GNAQ: variants seen among roughly 807,000 people sequenced by gnomAD.
The protein encoded by GNAQ is guanine nucleotide-binding protein G(q) subunit alpha.
Under a neutral mutation model 43.9 loss-of-function variants are expected in GNAQ, and 8 were observed. The observed-to-expected ratio is 0.18, with a 90% CI of 0.11 to 0.33. The LOEUF is 0.33. Ranked by LOEUF, GNAQ falls within the 10% of genes least tolerant of loss-of-function variation. GNAQ has a pLI of 1.00. For synonymous variants in GNAQ, 155 were observed against 170.7 expected (o/e 0.91, Z 0.71); for missense variants, 158 against 450.8 (o/e 0.35, Z 5.88).
Position 77,836,604 on chromosome 9 carries a change from A to G in GNAQ, c.322-20834T>C, listed in dbSNP as rs376404296. 6.6e-5 allele frequency among the ~76,000 whole-genome samples: 10 copies of G among 152,344 alleles called. No individual in the cohort carries two copies. In the East Asian group the frequency reaches 1.2e-3, roughly 18 times the overall value. ...AGTACAAGTAAGGACGGAACTCAGC[A>G]AAGATTCTCAACAGGCAAGAAGGCA... On this transcript the variant is annotated intron_variant, in intron 2 of 6. Coordinates refer to ENST00000286548, the MANE Select transcript of GNAQ (RefSeq NM_002072.5).
At chr9:77,857,014 C>CAG (rs1827766222) in intron 2 of GNAQ, among the ~76,000 whole-genome samples, 1 of 152,212 alleles carries the variant, frequency 6.6e-6, no homozygotes, top group Non-Finnish European at 1.5e-5. Context: ...ACCATGCCCT[C>CAG]CTCTTCCTCA....
chr9:77,799,209 T>C (rs186772924), intron 3 of GNAQ, among the ~76,000 whole-genome samples: 6 of 152,254 alleles, frequency 3.9e-5, no homozygotes, highest in Non-Finnish European at 7.4e-5. Context: ...ACAAAGTATA[T>C]GCACAAAGTA....
At chr9:77,903,357 C>T (rs1384528340) in intron 2 of GNAQ, among the ~76,000 whole-genome samples, 1 of 152,176 alleles carries the variant, frequency 6.6e-6, no homozygotes, top group East Asian at 1.9e-4. Flanking sequence ...ACTTCATCCT[C>T]ACTCTGCAAC....
At chr9:77,901,476 C>T (rs1828616385) in intron 2 of GNAQ, among the ~76,000 whole-genome samples, 1 of 152,158 alleles carries the variant, frequency 6.6e-6, no homozygotes, top group Non-Finnish European at 1.5e-5. Context: ...CAAACCCTCC[C>T]ATCTTCAAGA....
At chr9:78,025,871 G>GT (rs1452619588) in intron 1 of GNAQ, among the ~76,000 whole-genome samples, 1 of 152,172 alleles carries the variant, frequency 6.6e-6, no homozygotes, top group Admixed American at 6.5e-5. Context: ...CTTTTCAAGT[G>GT]TAAGTGTGCC....
intron 2 of GNAQ, among the ~76,000 whole-genome samples, chr9:77,920,201 C>T (rs1482876652): frequency 6.6e-6 from 1 of 151,942 alleles, no homozygotes; most frequent in East Asian, 1.9e-4. Context: ...CAATGTGTTA[C>T]ATGAATAAGG....
intron 2 of GNAQ, among the ~76,000 whole-genome samples, chr9:77,823,635 G>A (rs1827148641): frequency 6.6e-6 from 1 of 152,172 alleles, no homozygotes; most frequent in African/African-American, 2.4e-5. Context: ...ATGGTGGAAG[G>A]TGAAGGGGAA....
intron 3 of GNAQ, among the ~76,000 whole-genome samples, chr9:77,806,133 T>C (rs912472509): frequency 1.3e-5 from 2 of 152,088 alleles, no homozygotes; most frequent in African/African-American, 2.4e-5. Flanking sequence ...AAAACAACAA[T>C]AGCAATGAGA....
intron 1 of GNAQ, among the ~76,000 whole-genome samples, chr9:77,960,384 C>G (rs952775442): frequency 6.6e-6 from 1 of 152,126 alleles, no homozygotes; most frequent in African/African-American, 2.4e-5. Flanking sequence ...GCGAGGTAGG[C>G]AGAATTAGAA....
intron 2 of GNAQ, among the ~76,000 whole-genome samples, chr9:77,842,307 T>A (rs1290691688): frequency 1.3e-5 from 2 of 152,190 alleles, no homozygotes; most frequent in Admixed American, 6.5e-5. Flanking sequence ...AAAGCTGAAC[T>A]GAAACCATCA....
At chr9:77,824,508 A>C (rs1301180728) in intron 2 of GNAQ, among the ~76,000 whole-genome samples, 1 of 152,172 alleles carries the variant, frequency 6.6e-6, no homozygotes, top group Non-Finnish European at 1.5e-5. Flanking sequence ...TTTGGATACA[A>C]CTGTGATTTA....
chr9:77,841,760 TA>T (rs1282024888), intron 2 of GNAQ, among the ~76,000 whole-genome samples: 1 of 152,184 alleles, frequency 6.6e-6, no homozygotes, highest in East Asian at 1.9e-4. Flanking sequence ...ACGTTCATTA[TA>T]TGGAAGACTC....
At chr9:77,889,390 G>A (rs1042328684) in intron 2 of GNAQ, among the ~76,000 whole-genome samples, 6 of 107,510 alleles carry the variant, frequency 5.6e-5, no homozygotes, top group African/African-American at 7.3e-5. Flanking sequence ...CAGCCTGGGC[G>A]ACAAAGCCAG....
intron 1 of GNAQ, among the ~76,000 whole-genome samples, chr9:77,951,365 T>C (rs1305177695): frequency 6.6e-6 from 1 of 152,168 alleles, no homozygotes; most frequent in East Asian, 1.9e-4. Flanking sequence ...CCCAAAGTGC[T>C]GGGATTACAG....
intron 5 of GNAQ, among the ~76,000 whole-genome samples, chr9:77,782,956 A>G (rs1275703667): frequency 6.6e-6 from 1 of 152,278 alleles, no homozygotes; most frequent in Non-Finnish European, 1.5e-5. Context: ...CTATGAAGAC[A>G]GCAGAAAGAT....
intron 2 of GNAQ, among the ~76,000 whole-genome samples, chr9:77,845,278 G>A (rs1394400476): frequency 1.3e-5 from 2 of 152,020 alleles, no homozygotes; most frequent in Non-Finnish European, 2.9e-5. Context: ...ACTGGCAAGT[G>A]TCAGAAGCAA....
intron 2 of GNAQ, among the ~76,000 whole-genome samples, chr9:77,897,266 ATTAT>A (rs1307590081): frequency 6.6e-6 from 1 of 152,244 alleles, no homozygotes; most frequent in Non-Finnish European, 1.5e-5. Flanking sequence ...GGATTTTAAA[ATTAT>A]TTATGATGAA....
chr9:77,875,600 A>C (rs1587380311), intron 2 of GNAQ, among the ~76,000 whole-genome samples: 1 of 152,320 alleles, frequency 6.6e-6, no homozygotes, highest in East Asian at 1.9e-4. Flanking sequence ...AGCCAGGTTT[A>C]ATGCCACTAA....
chr9:77,750,945 G>A (rs1033545330), intron 5 of GNAQ, among the ~76,000 whole-genome samples: 2 of 152,170 alleles, frequency 1.3e-5, no homozygotes, highest in Non-Finnish European at 2.9e-5. Context: ...CTGTGAAGAT[G>A]GTGCTACTGT....
Sources: gnomAD v4.1 joint callset for allele counts (sites outside exome capture counted in the v4.1 genomes callset) on GRCh38, gnomAD v4.1.1 for gene constraint, MANE v1.5 for transcripts, NCBI Gene and HGNC (gene_info 2026-07-23, HGNC 2026-07-21) for gene names.